The following GPR158 variants were observed in gnomAD, a reference collection of about 807,000 sequenced individuals.
GPR158 encodes metabotropic glycine receptor.
A neutral mutation model predicts 78.2 loss-of-function variants in GPR158; 30 were observed. The ratio of observed to expected loss-of-function variants is 0.38; its 90% confidence interval spans 0.29 to 0.52. The LOEUF (loss-of-function observed/expected upper bound fraction) is 0.52, where lower values mean the gene tolerates loss of function less well. Among genes scored for constraint, GPR158 ranks in the 20% least tolerant of loss-of-function variants. The probability of loss-of-function intolerance (pLI) is 0.83; values close to 1 mark genes in which losing one functional copy is unlikely to be tolerated. For synonymous variants in GPR158, 581 were observed against 591.1 expected, an observed-to-expected ratio of 0.98 and a Z score of 0.25; for missense variants, 1,463 against 1,523.5, an observed-to-expected ratio of 0.96 and a Z score of 0.66.
intron 1 of GPR158, among the ~76,000 whole-genome samples, chr10:25,219,348 A>G (rs995873492): frequency 6.6e-6 from 1 of 152,232 alleles, no homozygotes; most frequent in Non-Finnish European, 1.5e-5. Context: ...CAGACGATAA[A>G]AATTTGTTGA....
intron 2 of GPR158, among the ~76,000 whole-genome samples, chr10:25,223,469 A>C (rs1853329690): frequency 1.3e-5 from 2 of 152,056 alleles, no homozygotes; most frequent in African/African-American, 4.8e-5. Context: ...TGTGCTGGTC[A>C]CTCTAGGTAC....
chr10:25,504,638 G>A (rs974269731), intron 5 of GPR158, among the ~76,000 whole-genome samples: 2 of 152,142 alleles, frequency 1.3e-5, no homozygotes, highest in South Asian at 2.1e-4. Flanking sequence ...TTTCTTCCCC[G>A]AGTGCCTGAC....
At chr10:25,333,114 G>T (rs754477033) in intron 2 of GPR158, among the ~76,000 whole-genome samples, 17 of 152,168 alleles carry the variant, frequency 1.1e-4, no homozygotes, top group Non-Finnish European at 2.4e-4. Context: ...AGAATGTGAA[G>T]GTTCAGTTGA....
intron 5 of GPR158, among the ~76,000 whole-genome samples, chr10:25,512,762 T>C (rs1482721665): frequency 6.6e-6 from 1 of 152,032 alleles, no homozygotes; most frequent in Non-Finnish European, 1.5e-5. Context: ...TTTTGTCAAA[T>C]GCTTTTTCTA....
intron 4 of GPR158, among the ~76,000 whole-genome samples, chr10:25,443,547 A>C: frequency 7.0e-6 from 1 of 142,454 alleles, no homozygotes. Context: ...AGAGCGAGAG[A>C]CTGTTTCAAA....
At chr10:25,566,752 T>A (rs1314099438) in intron 6 of GPR158, among the ~76,000 whole-genome samples, 1 of 152,216 alleles carries the variant, frequency 6.6e-6, no homozygotes, top group Non-Finnish European at 1.5e-5. Context: ...ATGCCAGTGA[T>A]GCCAGTCTTT....
intron 2 of GPR158, among the ~76,000 whole-genome samples, chr10:25,307,730 A>G (rs1854701337): frequency 6.6e-6 from 1 of 152,098 alleles, no homozygotes; most frequent in Non-Finnish European, 1.5e-5. Context: ...ATCAGTTCTT[A>G]GAGTTCTTCT....
At chr10:25,247,279 A>G (rs1330670080) in intron 2 of GPR158, among the ~76,000 whole-genome samples, 1 of 149,124 alleles carries the variant, frequency 6.7e-6, no homozygotes, top group Non-Finnish European at 1.5e-5. Context: ...TCAACAACCT[A>G]TCATGGTTTT....
intron 3 of GPR158, among the ~76,000 whole-genome samples, chr10:25,398,830 A>T (rs1834402576): frequency 2.0e-5 from 3 of 152,156 alleles, no homozygotes; most frequent in Admixed American, 2.0e-4. Context: ...CTTAGCCAAG[A>T]CCAACCTTCC....
chr10:25,532,326 A>C (rs1836435283), intron 5 of GPR158, among the ~76,000 whole-genome samples: 1 of 152,142 alleles, frequency 6.6e-6, no homozygotes, highest in Non-Finnish European at 1.5e-5. Flanking sequence ...GGGTATGCCT[A>C]AGAGTGATGC....
At chr10:25,432,965 A>G (rs1160446934) in intron 4 of GPR158, among the ~76,000 whole-genome samples, 1 of 152,266 alleles carries the variant, frequency 6.6e-6, no homozygotes, top group Non-Finnish European at 1.5e-5. Context: ...ATGAAACAGT[A>G]TAATGTATCA....
intron 2 of GPR158, among the ~76,000 whole-genome samples, chr10:25,367,842 C>A (rs1358730624): frequency 1.4e-5 from 2 of 146,994 alleles, no homozygotes; most frequent in Non-Finnish European, 3.0e-5. Flanking sequence ...AATATAGTTG[C>A]ACAAACTCTC....
chr10:25,477,841 T>A (rs557349817), intron 5 of GPR158, among the ~76,000 whole-genome samples: 29 of 152,278 alleles, frequency 1.9e-4, no homozygotes, highest in African/African-American at 6.7e-4. Context: ...TACTGGCTCA[T>A]ATAGAGAGCA....
At chr10:25,191,944 T>G (rs968189124) in intron 1 of GPR158, among the ~76,000 whole-genome samples, 3 of 152,220 alleles carry the variant, frequency 2.0e-5, no homozygotes, top group Non-Finnish European at 4.4e-5. Flanking sequence ...TGTCTCTTTA[T>G]GTAAACATCC....
chr10:25,411,531 C>T (rs184880422), intron 3 of GPR158, among the ~76,000 whole-genome samples: 77 of 152,216 alleles, frequency 5.1e-4, no homozygotes, highest in Non-Finnish European at 7.2e-4. Flanking sequence ...TGTATTTACT[C>T]GGCACATAAA....
intron 2 of GPR158, among the ~76,000 whole-genome samples, chr10:25,229,659 T>G (rs1365432794): frequency 6.6e-6 from 1 of 152,222 alleles, no homozygotes; most frequent in African/African-American, 2.4e-5. Flanking sequence ...CTAGGCCTAT[T>G]TTTGTTTTAC....
At chr10:25,258,168 A>G (rs1168529864) in intron 2 of GPR158, among the ~76,000 whole-genome samples, 2 of 152,214 alleles carry the variant, frequency 1.3e-5, no homozygotes, top group African/African-American at 4.8e-5. Flanking sequence ...GGCATCAAGC[A>G]CAATCTTAAA....
chr10:25,542,925 A>G (rs1159870387), intron 5 of GPR158, among the ~76,000 whole-genome samples: 1 of 151,788 alleles, frequency 6.6e-6, no homozygotes, highest in South Asian at 2.1e-4. Flanking sequence ...AGCTGTGTTC[A>G]GTAGCCTAAG....
chr10:25,516,865 G>A (rs1225957144), intron 5 of GPR158, among the ~76,000 whole-genome samples: 1 of 126,250 alleles, frequency 7.9e-6, no homozygotes, highest in Non-Finnish European at 1.6e-5. Context: ...CTCTTTTTTG[G>A]TTCCATATGA....
Sources: allele counts gnomAD v4.1 joint callset (sites outside exome capture counted in the v4.1 genomes callset), GRCh38; gene constraint gnomAD v4.1.1; transcripts MANE v1.5; gene names NCBI Gene and HGNC (gene_info 2026-07-23, HGNC 2026-07-21).